The following NDUFA10 variants were observed in gnomAD, a reference collection of about 807,000 sequenced individuals.
The protein encoded by NDUFA10 is NADH:ubiquinone oxidoreductase subunit A10.
A neutral mutation model predicts 47.8 loss-of-function variants in NDUFA10; 40 were observed. The ratio of observed to expected loss-of-function variants is 0.84; its 90% CI spans 0.65 to 1.09. NDUFA10 has a LOEUF of 1.09. NDUFA10 is among the 50% of genes least tolerant of loss of function. The pLI, the probability that NDUFA10 is intolerant of heterozygous loss-of-function variation, is 0.00. For missense variants in NDUFA10, 413 were observed against 451.1 expected, an observed-to-expected ratio of 0.92 and a Z score of 0.76; for synonymous variants, 183 against 172.2, an observed-to-expected ratio of 1.06 and a Z score of -0.49.
At chr2:239,900,493 A>C (rs1192467295) in intron 4 of NDUFA10, among the ~76,000 whole-genome samples, 1 of 151,924 alleles carries the variant, frequency 6.6e-6, no homozygotes, top group African/African-American at 2.4e-5. Context: ...TGCCAAATGC[A>C]GGTGATAATG....
At chr2:239,927,092 A>C (rs1366159652) in intron 4 of NDUFA10, among the ~76,000 whole-genome samples, 1 of 152,146 alleles carries the variant, frequency 6.6e-6, no homozygotes, top group Non-Finnish European at 1.5e-5. Context: ...TGGGAGCTAC[A>C]ATTCAAGATG....
intron 1 of NDUFA10, among the ~76,000 whole-genome samples, chr2:240,024,417 T>C (rs951170051): frequency 6.6e-6 from 1 of 152,166 alleles, no homozygotes; most frequent in Non-Finnish European, 1.5e-5. Flanking sequence ...AAGGCAACTA[T>C]GGAAATGTTA....
chr2:239,983,519 A>G lies in NDUFA10; in HGVS notation c.999+6555T>C, dbSNP rs374615709. On this transcript the variant is annotated intron_variant, in intron 9 of 9. Transcript: ENST00000252711. ...CTAAACAGTCAGACAATTCTTACTCAACAAAGGAACATAAAGGCTGTGGTG... is the reference window on the plus strand; with the variant it reads ...CTAAACAGTCAGACAATTCTTACTCGACAAAGGAACATAAAGGCTGTGGTG... The G allele has an allele frequency of 3.2e-5, 52 of 1,600,288 alleles. No homozygotes were observed. In the African/African-American group the frequency reaches 5.7e-4, roughly 18 times the overall value.
intron 9 of NDUFA10, among the ~76,000 whole-genome samples, chr2:239,983,243 T>C (rs193012256): frequency 2.6e-4 from 40 of 152,238 alleles, no homozygotes; most frequent in African/African-American, 8.2e-4. Context: ...GAGCCTTTTG[T>C]GAGAAGCCAC....
chr2:240,024,824 C>G (rs1360103472), intron 1 of NDUFA10, among the ~76,000 whole-genome samples: 1 of 152,244 alleles, frequency 6.6e-6, no homozygotes, highest in African/African-American at 2.4e-5. Flanking sequence ...AACTCCGTGT[C>G]TGCTCAACAT....
At chr2:239,946,030 C>A (rs1694446612) in intron 4 of NDUFA10, among the ~76,000 whole-genome samples, 1 of 152,224 alleles carries the variant, frequency 6.6e-6, no homozygotes, top group Non-Finnish European at 1.5e-5. Context: ...CCGTTCTGAA[C>A]AGGGAGCCCA....
At chr2:240,025,076 C>A in intron 1 of NDUFA10, 151 bp downstream of exon 1, 3 of 742,146 alleles carry the variant, frequency 4.0e-6, no homozygotes, top group Non-Finnish European at 6.0e-6. Context: ...AAAGACCAAA[C>A]AATTCCGGAG....
chr2:240,000,818 G>A (rs1696679427), intron 8 of NDUFA10, among the ~76,000 whole-genome samples: 1 of 152,250 alleles, frequency 6.6e-6, no homozygotes, highest in Non-Finnish European at 1.5e-5. Flanking sequence ...ATGCTGTACA[G>A]GTTTATGGCC....
intron 4 of NDUFA10, among the ~76,000 whole-genome samples, chr2:239,936,651 T>G (rs1694270979): frequency 1.3e-5 from 2 of 152,192 alleles, no homozygotes; most frequent in African/African-American, 4.8e-5. Context: ...CTAAACCTGC[T>G]TTTAAAAAAG....
chr2:239,923,527 A>C (rs1694022097), intron 4 of NDUFA10, among the ~76,000 whole-genome samples: 1 of 152,188 alleles, frequency 6.6e-6, no homozygotes, highest in Non-Finnish European at 1.5e-5. Flanking sequence ...TAAATAATAC[A>C]TGGGTTCAAG....
At position 239,987,519 on chromosome 2, in the gene NDUFA10, A is replaced by G. The variant is rs1212803328; in HGVS notation, c.999+2555T>C. The stretch of plus-strand genomic sequence containing the variant: ...GACCATCATGTTAATAACTTACCTT[A>G]AATGGTTCAGGAAAAGTTATTTTTC... On this transcript the variant is annotated intron_variant, in intron 9 of 9. Transcript: ENST00000252711. The surrounding 1 kb of genome is among the most constrained non-coding windows in gnomAD (Gnocchi z 4.8). Among the ~76,000 whole-genome samples, 1 of 152,102 alleles carries G rather than the reference A, an allele frequency of 6.6e-6. No individual in the cohort carries two copies. The highest frequency in any genetic ancestry group is 1.5e-5 in the Non-Finnish European group (1 of 68,032).
intron 4 of NDUFA10, among the ~76,000 whole-genome samples, chr2:239,921,871 C>G (rs1489543757): frequency 4.0e-5 from 6 of 151,724 alleles, no homozygotes; most frequent in Admixed American, 3.9e-4. Flanking sequence ...CCTCCTGACC[C>G]TCTTCCCTCC....
chr2:239,920,356 A>T (rs1467832054), intron 4 of NDUFA10, among the ~76,000 whole-genome samples: 2 of 152,156 alleles, frequency 1.3e-5, no homozygotes, highest in Non-Finnish European at 2.9e-5. Context: ...TGACACGTGG[A>T]TAAGGTCCCC....
intron 4 of NDUFA10, among the ~76,000 whole-genome samples, chr2:239,946,799 C>T (rs1694460876): frequency 6.6e-6 from 1 of 152,232 alleles, no homozygotes. Flanking sequence ...GAGGCTCCTG[C>T]AGGCAGAGAG....
intron 8 of NDUFA10, among the ~76,000 whole-genome samples, chr2:239,995,850 C>T (rs1162367938): frequency 6.6e-6 from 1 of 152,216 alleles, no homozygotes; most frequent in Non-Finnish European, 1.5e-5. Flanking sequence ...AGGGGCATTA[C>T]ATAACGATAA....
At chr2:239,994,699 T>C (rs1696396296) in intron 8 of NDUFA10, among the ~76,000 whole-genome samples, 1 of 152,178 alleles carries the variant, frequency 6.6e-6, no homozygotes, top group Non-Finnish European at 1.5e-5. Flanking sequence ...TTGGGACCGC[T>C]GCAATAGAGC....
At chr2:239,972,232 A>C (rs1410604665) in intron 9 of NDUFA10, among the ~76,000 whole-genome samples, 1 of 152,064 alleles carries the variant, frequency 6.6e-6, no homozygotes, top group African/African-American at 2.4e-5. Flanking sequence ...AAATATGTGT[A>C]TATTCCAGCA....
intron 2 of NDUFA10, 124 bp downstream of exon 2, chr2:240,022,048 C>T (rs1697645073): frequency 1.3e-6 from 1 of 760,590 alleles, no homozygotes; most frequent in African/African-American, 1.8e-5. Context: ...ATGTGAAATA[C>T]CCACCTTAGG....
rs1409456233 is a variant in NDUFA10 at position 239,945,002 on chromosome 2, G to T, written c.294+45072C>A. The stretch of plus-strand genomic sequence containing the variant: ...AGCCATGGGGGTGACTTCCCAGGGG[G>T]CCTGTGGAGGCTGCTTCTTTATTGC... On this transcript the variant is annotated intron_variant, in intron 4 of 5. Transcript: ENST00000419408. The surrounding 1 kb of genome is among the most constrained non-coding windows in gnomAD (Gnocchi z 4.6). 8.0e-6 allele frequency among the ~76,000 whole-genome samples: 1 copy of T among 125,072 alleles called. No homozygotes were observed. Among genetic ancestry groups the T allele is most frequent in the Non-Finnish European group, 1.8e-5 (1 of 55,664 alleles). The allele number at this position is 125,072 out of a possible 152,430, so 82.1% of individuals were successfully genotyped here.
Sources: gnomAD v4.1 joint callset for allele counts (sites outside exome capture counted in the v4.1 genomes callset) on GRCh38, gnomAD v4.1.1 for gene constraint, Gnocchi (gnomAD v3.1) non-coding constraint, MANE v1.5 for transcripts, NCBI Gene and HGNC (gene_info 2026-07-23, HGNC 2026-07-21) for gene names.